The following RSF1 variants were observed in gnomAD, a reference collection of about 807,000 sequenced individuals.
RSF1 encodes the protein remodeling and spacing factor 1, also known as HBV pX-associated protein 8.
Under a neutral mutation model 145.2 loss-of-function variants are expected in RSF1, and 13 were observed. The ratio of observed to expected loss-of-function variants is 0.09; its 90% CI spans 0.06 to 0.14. The LOEUF is 0.14. RSF1 is among the 10% of genes least tolerant of loss of function. RSF1 has a pLI of 1.00. For synonymous variants in RSF1, 577 were observed against 592.6 expected (o/e 0.97, Z 0.38); for missense variants, 1,517 against 1,718.2 (o/e 0.88, Z 2.07).
rs780479065 is a variant in RSF1 at position 77,688,110 on chromosome 11, G to A, written c.2901-2951C>T. Among the ~76,000 whole-genome samples, 12 of 152,270 alleles carry A rather than the reference G, an allele frequency of 7.9e-5. 1 individual carries two copies. Among genetic ancestry groups the A allele is most frequent in the Middle Eastern group, 6.8e-3 (2 of 294 alleles). ...GTTCAAGACCAGCCTGGCCAACATG[G>A]TGAAATCCTCGTCTCTACTAAAAAT... On this transcript the variant is annotated intron_variant, in intron 9 of 15. Coordinates refer to ENST00000308488, the MANE Select transcript of RSF1 (RefSeq NM_016578.4).
At chr11:77,731,106 G>A (rs1229392212) in intron 4 of RSF1, among the ~76,000 whole-genome samples, 1 of 152,160 alleles carries the variant, frequency 6.6e-6, no homozygotes, top group African/African-American at 2.4e-5. Flanking sequence ...GAGACTTGTT[G>A]AATGGTTTTG....
rs150382224 is a variant in RSF1, at chr11:77,701,497, G to T, written c.1732C>A (p.Arg578Ser). ...TCAAGACATTCTAGGATTGGTGGGC[G>T]CTTATCCTTCTTAGTTTTGGGAGAC... ...EKSPKTKKDKRPPILECLEKL... is the reference protein window; with the variant it reads ...EKSPKTKKDKSPPILECLEKL... The change falls in exon 6 of 16, where the codon CGC (arginine) becomes AGC (serine). Residue 578 changes from arginine to serine, a missense_variant. Transcript: ENST00000308488. 6.2e-7 allele frequency: 1 copy of T among 1,613,842 alleles called. No homozygotes were observed. The highest frequency in any genetic ancestry group is 8.5e-7 in the Non-Finnish European group (1 of 1,179,972).
At chr11:77,779,698 G>C (rs1565178219) in intron 1 of RSF1, among the ~76,000 whole-genome samples, 1 of 152,264 alleles carries the variant, frequency 6.6e-6, no homozygotes, top group East Asian at 1.9e-4. Flanking sequence ...GACACGGGCT[G>C]CTTAAATATA....
chr11:77,766,754 GTC>G (rs1280425878), intron 1 of RSF1, among the ~76,000 whole-genome samples: 1 of 152,212 alleles, frequency 6.6e-6, no homozygotes, highest in African/African-American at 2.4e-5. Context: ...AAGCAGGAGA[GTC>G]TGTTGCATTT....
At chr11:77,780,662 T>C (rs1051769551) in intron 1 of RSF1, among the ~76,000 whole-genome samples, 6 of 152,004 alleles carry the variant, frequency 3.9e-5, no homozygotes, top group Non-Finnish European at 7.4e-5. Flanking sequence ...CTGTCTCTAC[T>C]AAAAATACAA....
chr11:77,703,277 A>G (rs1317828755), intron 5 of RSF1: 2 of 152,156 alleles, frequency 1.3e-5, no homozygotes, highest in Non-Finnish European at 2.9e-5. Flanking sequence ...TTGGCTATAT[A>G]TTTTCAACTT....
chr11:77,735,028 GC>G, intron 4 of RSF1: 1 of 1,523,010 alleles, frequency 6.6e-7, no homozygotes, highest in Non-Finnish European at 9.0e-7. Flanking sequence ...GGTCCTCATG[GC>G]GGCGACTAAG....
At chr11:77,817,972 G>C (rs1444556076) in intron 1 of RSF1, among the ~76,000 whole-genome samples, 1 of 152,122 alleles carries the variant, frequency 6.6e-6, no homozygotes, top group Non-Finnish European at 1.5e-5. Context: ...TCGTTTCCCT[G>C]CACAGTAACA....
At chr11:77,770,882 TA>T (rs1430933102) in intron 1 of RSF1, among the ~76,000 whole-genome samples, 2 of 152,202 alleles carry the variant, frequency 1.3e-5, no homozygotes, top group Non-Finnish European at 2.9e-5. Context: ...ACAAGGCCTC[TA>T]TAAGATGAAG....
chr11:77,677,860 A>T (rs1959749637), intron 12 of RSF1, among the ~76,000 whole-genome samples: 1 of 152,252 alleles, frequency 6.6e-6, no homozygotes, highest in Non-Finnish European at 1.5e-5. Context: ...AATGTTTTAT[A>T]TCAGCTTGTA....
rs139691614 is a variant in RSF1 at position 77,675,913 on chromosome 11, A to G, written c.3342-657T>C. Among the ~76,000 whole-genome samples the G allele has an allele frequency of 5.9e-5, 9 of 152,344 alleles. 1 individual carries two copies. The East Asian group carries it at 1.7e-3, about 29-fold the overall frequency. ...TGGTTTTGTATAATTTTCAGGATAA[A>G]GTCAAAACACTTATGCATGACAAAT... On this transcript the variant is annotated intron_variant, in intron 13 of 15. Transcript: ENST00000308488.
the RSF1 span, chr11:77,841,338 T>A: frequency 6.1e-6 from 4 of 659,124 alleles, no homozygotes; most frequent in East Asian, 1.1e-4. Context: ...CCATGCAATA[T>A]GTGTCTACTT....
chr11:77,708,439 C>T lies in RSF1; in HGVS notation c.734-5944G>A, dbSNP rs541917866. On this transcript the variant is annotated intron_variant, in intron 5 of 15. Coordinates refer to ENST00000308488, the MANE Select transcript of RSF1 (RefSeq NM_016578.4). ...AGTGAAACTCTGTCCTCAAAAAATC[C>T]CCCAAATCAAAAAAAGCCAGTGATG... Among the ~76,000 whole-genome samples the T allele has an allele frequency of 1.1e-4, 17 of 152,176 alleles. No homozygotes were observed. The South Asian group carries it at 1.7e-3, about 15-fold the overall frequency.
At chr11:77,843,068 T>C in the RSF1 span, among the ~76,000 whole-genome samples, 1 of 152,202 alleles carries the variant, frequency 6.6e-6, no homozygotes. Flanking sequence ...GGTTATATAG[T>C]GTTTAACCTT....
intron 8 of RSF1, among the ~76,000 whole-genome samples, chr11:77,692,656 C>T (rs12806790): frequency 6.7e-6 from 1 of 149,612 alleles, no homozygotes; most frequent in Non-Finnish European, 1.5e-5. Flanking sequence ...TGGGACTATA[C>T]CTATGTGCCA....
intron 9 of RSF1, 125 bp downstream of exon 9, chr11:77,691,034 G>T: frequency 1.3e-6 from 1 of 773,006 alleles, no homozygotes; most frequent in Non-Finnish European, 2.1e-6. Flanking sequence ...ACAAAAAGGA[G>T]GCTGGATTTG....
At position 77,667,485 on chromosome 11, in the gene RSF1, T is replaced by C. The variant is rs180938932; in HGVS notation, c.3758A>G (p.Tyr1253Cys). ...RLSSSESEES[Y>C]LSKNSEDDEL... is the part of the protein sequence containing the mutation. ...ATCATCTTCAGAGTTCTTGGACAAA[T>C]AGCTCTCTAGAATAAACAGCACATT... The change falls in exon 16 of 16, where the codon TAT becomes TGT. Residue 1253 changes from tyrosine (Y) to cysteine (C), a missense_variant. Coordinates refer to ENST00000308488, the MANE Select transcript of RSF1 (RefSeq NM_016578.4). 2.6e-5 allele frequency: 42 copies of C among 1,608,192 alleles called. No individual in the cohort carries two copies. The highest frequency in any genetic ancestry group is 1.0e-4 in the Admixed American group (6 of 59,976).
At position 77,660,093 on chromosome 11, in the gene RSF1, A is replaced by C. The variant is rs1486503553; in HGVS notation, c.*6824T>G. ...ATTATAATAAAACATTTTGAAAGAA[A>C]AAGTTACACAATTAGGCCAATAGCT... On this transcript the variant is annotated 3_prime_UTR_variant, in exon 16 of 16. Coordinates refer to ENST00000308488, the MANE Select transcript of RSF1 (RefSeq NM_016578.4). 1.3e-5 allele frequency: 2 copies of C among 152,364 alleles called. No individual in the cohort carries two copies. The highest frequency in any genetic ancestry group is 3.9e-4 in the East Asian group (2 of 5,188). 9.4% of individuals were successfully genotyped at this position (152,364 alleles called of 1,614,324 possible). A position where few individuals can be genotyped will look rare whatever the true frequency, so the allele number is the denominator to read the frequency against.
upstream of RSF1, chr11:77,820,777 T>C: frequency 6.7e-7 from 1 of 1,483,314 alleles, no homozygotes; most frequent in Admixed American, 2.2e-5. Flanking sequence ...TGCCGAGGGA[T>C]GGCAAGGCAA....
Sources: gnomAD v4.1 joint callset for allele counts (sites outside exome capture counted in the v4.1 genomes callset) on GRCh38, gnomAD v4.1.1 for gene constraint, MANE v1.5 for transcripts, NCBI Gene and HGNC (gene_info 2026-07-23, HGNC 2026-07-21) for gene names.